ITGA4: variants seen among roughly 807,000 people sequenced by gnomAD.
ITGA4 encodes integrin subunit alpha 4.
A neutral mutation model predicts 133.6 loss-of-function variants in ITGA4; 63 were observed. The ratio of observed to expected loss-of-function variants is 0.47; its 90% CI spans 0.38 to 0.58. ITGA4 has a LOEUF of 0.58. ITGA4 is among the 20% of genes least tolerant of loss of function. The pLI is 0.00. For synonymous variants in ITGA4, 483 were observed against 438.0 expected (o/e 1.10, Z -1.28); for missense variants, 1,076 against 1,252.7 (o/e 0.86, Z 2.13).
rs1686139698 is a variant in ITGA4, at chr2:181,495,513, A to T, written c.1385+97A>T. 5 of 910,342 alleles carry T rather than the reference A, an allele frequency of 5.5e-6. No individual in the cohort carries two copies. Among genetic ancestry groups the T allele is most frequent in the Non-Finnish European group, 7.3e-6 (4 of 550,010 alleles). The allele number at this position is 910,342 out of a possible 1,614,324, so 56.4% of individuals were successfully genotyped here. On this transcript the variant is annotated intron_variant, in intron 13 of 27. Transcript: ENST00000397033. The surrounding 1 kb of genome is among the most constrained non-coding windows in gnomAD (Gnocchi z 4.3). Reference sequence around the variant, plus strand: ...AATCAGCAGTGGTAGTGACCTCATGATGCTCTTTTGGTATTCTGAAGCTTA... The same window carrying T: ...AATCAGCAGTGGTAGTGACCTCATGTTGCTCTTTTGGTATTCTGAAGCTTA...
intron 4 of ITGA4, chr2:181,475,981 A>G: frequency 4.8e-6 from 6 of 1,248,964 alleles, no homozygotes; most frequent in Admixed American, 3.4e-5. Flanking sequence ...TTTTCTAACC[A>G]CCCTCACTCA....
rs149599154 is a variant in ITGA4, at chr2:181,509,316, A to G, written c.1696-342A>G. On this transcript the variant is annotated intron_variant, in intron 15 of 27. Coordinates refer to ENST00000397033, the MANE Select transcript of ITGA4 (RefSeq NM_000885.6). ...AAAAGCACCTTGAAATGATTTACAA[A>G]AAGTTTATCATGAAAAATGCTTATG... 5.5e-4 allele frequency among the ~76,000 whole-genome samples: 83 copies of G among 152,180 alleles called. No individual in the cohort carries two copies. The East Asian group carries it at 0.014, about 25-fold the overall frequency.
intron 24 of ITGA4, 30 bp from the exon 25 acceptor site, chr2:181,531,627 T>C: frequency 7.2e-7 from 1 of 1,385,836 alleles, no homozygotes; most frequent in Non-Finnish European, 9.7e-7. Flanking sequence ...GTTGAAAATT[T>C]TAATGTAGCA....
At chr2:181,531,991 T>C (rs1686954914) in intron 25 of ITGA4, among the ~76,000 whole-genome samples, 1 of 152,192 alleles carries the variant, frequency 6.6e-6, no homozygotes, top group Non-Finnish European at 1.5e-5. Context: ...AAGGCTAAAA[T>C]AGGCCAGGCA....
rs575700125 is a variant in ITGA4, at chr2:181,509,659, A to G, written c.1697A>G (p.Lys566Arg). Reference protein sequence around the residue: ...NCRTHQAFMRKDVRDILTPIQ... With the variant: ...NCRTHQAFMRRDVRDILTPIQ... The stretch of plus-strand genomic sequence containing the variant: ...TCATATGGTGGTTATTTTCCTTAGA[A>G]AGATGTGCGGGACATCCTCACCCCA... The change falls in exon 16 of 28, where the codon AAA becomes AGA. Residue 566 changes from lysine to arginine, a missense_variant and splice_region_variant. Physicochemically the swap from Lys to Arg is conservative, Grantham distance 26. Around this residue, in one of 4 missense-constraint regions of ITGA4, gnomAD observed 365 missense variants for 421.4 expected, o/e 0.87. Coordinates refer to ENST00000397033, the MANE Select transcript of ITGA4 (RefSeq NM_000885.6). The G allele has an allele frequency of 6.4e-7, 1 of 1,571,590 alleles. No individual in the cohort carries two copies. The highest frequency in any genetic ancestry group is 1.2e-5 in the South Asian group (1 of 81,840).
rs758552439 is a variant in ITGA4 at position 181,535,430 on chromosome 2, A to G, written c.3004-2A>G. On this transcript the variant is annotated splice_acceptor_variant, in intron 27 of 27. Transcript: ENST00000397033. LOFTEE classifies it high-confidence loss of function. ...CTAGTGATTATGTTATGCTATTTTC[A>G]GGCTGGCTTCTTTAAAAGACAATAC... 6.2e-7 allele frequency: 1 copy of G among 1,601,034 alleles called. No homozygotes were observed. Among genetic ancestry groups the G allele is most frequent in the Non-Finnish European group, 8.5e-7 (1 of 1,173,634 alleles).
chr2:181,527,240 C>G, intron 21 of ITGA4, 57 bp from the exon 22 acceptor site: 2 of 1,033,172 alleles, frequency 1.9e-6, no homozygotes, highest in Non-Finnish European at 3.0e-6. Flanking sequence ...GAAAAAGACT[C>G]TTTATAATAC....
At chr2:181,514,533 T>C (rs1235061576) in intron 17 of ITGA4, among the ~76,000 whole-genome samples, 3 of 152,072 alleles carry the variant, frequency 2.0e-5, no homozygotes, top group Non-Finnish European at 2.9e-5. Flanking sequence ...TGTAGGGCAG[T>C]GCCTTTATTG....
rs191942125 is a variant in ITGA4 at position 181,534,784 on chromosome 2, T to G, written c.2884-32T>G. On this transcript the variant is annotated intron_variant, in intron 26 of 27. Transcript: ENST00000397033. ...GTTTTAAACTGATTTTTTTTTTTGG[T>G]TTTTGAGTTTTATTTTTCTTAACTC... 7.9e-4 allele frequency: 1,194 copies of G among 1,502,586 alleles called. 2 individuals are homozygous for G. The highest frequency in any genetic ancestry group is 9.6e-4 in the Non-Finnish European group (1,077 of 1,116,510). 93.1% of individuals were successfully genotyped at this position (1,502,586 alleles called of 1,614,324 possible).
intron 9 of ITGA4, among the ~76,000 whole-genome samples, chr2:181,485,468 G>A (rs901724949): frequency 1.3e-5 from 2 of 151,014 alleles, no homozygotes; most frequent in South Asian, 4.2e-4. Context: ...ATATGCTTGT[G>A]CTAAGCCTTC....
At chr2:181,526,330 C>T (rs1471058681) in intron 21 of ITGA4, among the ~76,000 whole-genome samples, 4 of 152,158 alleles carry the variant, frequency 2.6e-5, no homozygotes, top group African/African-American at 9.7e-5. Context: ...GTTAAACTGC[C>T]TAAATCTATG....
rs199901297 is a variant in ITGA4 at position 181,475,063 on chromosome 2, C to T, written c.423C>T (p.Ile141=). 3.2e-5 allele frequency: 52 copies of T among 1,613,580 alleles called. No homozygotes were observed. The highest frequency in any genetic ancestry group is 3.0e-4 in the South Asian group (27 of 91,050). Residue 141 remains isoleucine (I), a synonymous_variant, in exon 3 of 28, where the codon ATC becomes ATT. Coordinates refer to ENST00000397033, the MANE Select transcript of ITGA4 (RefSeq NM_000885.6). ...LSRQPGENGS[I]VTCGHRWKNI... ...GACAGCCAGGAGAAAATGGATCCAT[C>T]GTGGTAGGTATTGGAACTGGTCCAC...
intron 2 of ITGA4, among the ~76,000 whole-genome samples, chr2:181,472,257 A>G (rs1685571413): frequency 1.3e-5 from 2 of 152,244 alleles, no homozygotes. Flanking sequence ...TAAGAAACCG[A>G]TAACAATACA....
Position 181,480,272 on chromosome 2 carries a change from A to G in ITGA4, c.754+6A>G, listed in dbSNP as rs1685773987. ...AAAATTTGGAAGTTATTTAGGTACT[A>G]TAAAAATTGACAAACTTAAATGATC... On this transcript the variant is annotated splice_donor_region_variant and intron_variant, in intron 6 of 27. Transcript: ENST00000397033. The G allele has an allele frequency of 1.5e-6, 2 of 1,377,410 alleles. No homozygotes were observed. The highest frequency in any genetic ancestry group is 9.8e-7 in the Non-Finnish European group (1 of 1,020,482). The allele number at this position is 1,377,410 out of a possible 1,614,324, so 85.3% of individuals were successfully genotyped here. A position where few individuals can be genotyped will look rare whatever the true frequency, so the allele number is the denominator to read the frequency against.
intron 24 of ITGA4, among the ~76,000 whole-genome samples, 198 bp from the exon 25 acceptor site, chr2:181,531,459 A>G (rs1686943200): frequency 6.6e-6 from 1 of 152,218 alleles, no homozygotes; most frequent in South Asian, 2.1e-4. Context: ...ACTTTATTAT[A>G]ATTTAGAAAA....
At chr2:181,476,593 G>A in intron 4 of ITGA4, among the ~76,000 whole-genome samples, 1 of 152,154 alleles carries the variant, frequency 6.6e-6, no homozygotes, top group East Asian at 1.9e-4. Context: ...ATGGGACTTT[G>A]TAATAATAGA....
At position 181,519,942 on chromosome 2, in the gene ITGA4, A is replaced by G. The variant is rs76460765; in HGVS notation, c.1923-2249A>G. On this transcript the variant is annotated intron_variant, in intron 17 of 27. Transcript: ENST00000397033. ...CCGAACCCTTCTTTACATTTAATAC[A>G]GACATGTACTTACCTGCTTATATTT... is the stretch of plus-strand genomic sequence containing the variant. 5.8e-3 allele frequency among the ~76,000 whole-genome samples: 888 copies of G among 152,220 alleles called. 3 individuals are homozygous for G. The highest frequency in any genetic ancestry group is 9.2e-3 in the Non-Finnish European group (628 of 68,012).
At position 181,480,442 on chromosome 2, in the gene ITGA4, CA is replaced by C. The variant is rs151192926; in HGVS notation, c.754+177del. On this transcript the variant is annotated intron_variant, in intron 6 of 27. Transcript: ENST00000397033. ...AGGATTTATGAAACTTCAGTGAACT[CA>C]GTATTTTACATTTACACATGTGACT... 3.0e-3 allele frequency among the ~76,000 whole-genome samples: 458 copies of C among 152,156 alleles called. 5 individuals carry two copies. The highest frequency in any genetic ancestry group is 9.8e-3 in the African/African-American group (408 of 41,530).
At position 181,510,888 on chromosome 2, in the gene ITGA4, A is replaced by T. The variant is rs117485835; in HGVS notation, c.1846-811A>T. 9.8e-4 allele frequency among the ~76,000 whole-genome samples: 148 copies of T among 151,582 alleles called. 4 individuals carry two copies. In the East Asian group the frequency reaches 0.024, roughly 24 times the overall value. On this transcript the variant is annotated intron_variant, in intron 16 of 27. Coordinates refer to ENST00000397033, the MANE Select transcript of ITGA4 (RefSeq NM_000885.6). Reference sequence around the variant, plus strand: ...ATTAATTTATATTTTGATTCTTAGAACAACCTGCTTTACCAATAGAAATGG... The same window carrying T: ...ATTAATTTATATTTTGATTCTTAGATCAACCTGCTTTACCAATAGAAATGG...
Sources: allele counts gnomAD v4.1 joint callset (sites outside exome capture counted in the v4.1 genomes callset), GRCh38; gene constraint gnomAD v4.1.1; regional missense constraint gnomAD v4.1.1; non-coding constraint Gnocchi (gnomAD v3.1); transcripts MANE v1.5; gene names NCBI Gene and HGNC (gene_info 2026-07-23, HGNC 2026-07-21).